Variants in EVC2 observed in about 807,000 individuals in gnomAD.
EVC2 encodes limbin.
EVC2 carries 148 observed loss-of-function variants against 149.3 expected under a neutral mutation model. The ratio of observed to expected loss-of-function variants is 0.99; its 90% confidence interval spans 0.87 to 1.14. The LOEUF (loss-of-function observed/expected upper bound fraction) is 1.14, where lower values mean the gene tolerates loss of function less well. EVC2 is among the 50% of genes most tolerant of loss of function. The probability of loss-of-function intolerance (pLI) is 0.00; values close to 1 mark genes in which losing one functional copy is unlikely to be tolerated. For missense variants in EVC2, 1,854 were observed against 1,627.3 expected (o/e 1.14, Z -2.40); for synonymous variants, 776 against 649.9 (o/e 1.19, Z -2.95).
At chr4:5,579,070 G>C (rs1337817245) in intron 17 of EVC2, among the ~76,000 whole-genome samples, 1 of 152,146 alleles carries the variant, frequency 6.6e-6, no homozygotes, top group Non-Finnish European at 1.5e-5. Context: ...AGAGGGAGTG[G>C]TGAAAGGTGG....
chr4:5,699,642 C>CAAAAAAAAAAAAA (rs773633372), intron 1 of EVC2, among the ~76,000 whole-genome samples: 5 of 111,740 alleles, frequency 4.5e-5, no homozygotes, highest in African/African-American at 1.8e-4. Context: ...TCCATCTCTA[C>CAAAAAAAAAAAAA]AAAAAAAAAA....
At chr4:5,599,568 A>T (rs1713790122) in intron 16 of EVC2, among the ~76,000 whole-genome samples, 1 of 151,444 alleles carries the variant, frequency 6.6e-6, no homozygotes, top group Non-Finnish European at 1.5e-5. Context: ...CTGGGGACTG[A>T]TGTGGGGTGG....
chr4:5,701,798 C>G (rs1721844730), intron 1 of EVC2, among the ~76,000 whole-genome samples: 1 of 152,256 alleles, frequency 6.6e-6, no homozygotes, highest in Non-Finnish European at 1.5e-5. Flanking sequence ...CTCCTATTGG[C>G]TCAGGCCAAA....
intron 21 of EVC2, among the ~76,000 whole-genome samples, chr4:5,557,088 T>A (rs567171566): frequency 6.6e-6 from 1 of 152,050 alleles, no homozygotes; most frequent in Non-Finnish European, 1.5e-5. Flanking sequence ...CCAGTATAAC[T>A]GTAATATAAA....
chr4:5,534,018 T>C, the EVC2 span, among the ~76,000 whole-genome samples: 4 of 152,156 alleles, frequency 2.6e-5, no homozygotes, highest in African/African-American at 9.7e-5. Context: ...CACGGTCTCA[T>C]AGGCTCTGGT....
intron 5 of EVC2, among the ~76,000 whole-genome samples, chr4:5,687,544 T>C (rs1172644226): frequency 6.6e-6 from 1 of 151,908 alleles, no homozygotes; most frequent in Admixed American, 6.6e-5. Context: ...AAGGGGCAGG[T>C]AGTCTCTGTG....
chr4:5,558,379 T>C (rs1414457933), downstream of EVC2, among the ~76,000 whole-genome samples: 2 of 152,130 alleles, frequency 1.3e-5, no homozygotes, highest in Non-Finnish European at 2.9e-5. Context: ...AGGTAAAAGA[T>C]TGAACGTGTG....
intron 7 of EVC2, among the ~76,000 whole-genome samples, chr4:5,668,583 T>C (rs1306598598): frequency 1.3e-5 from 2 of 152,098 alleles, no homozygotes; most frequent in South Asian, 2.1e-4. Context: ...GTAAATAGCA[T>C]TGCATGGAGG....
intron 1 of EVC2, 146 bp downstream of exon 1, chr4:5,708,140 C>A (rs1467104591): frequency 1.5e-5 from 10 of 684,650 alleles, no homozygotes; most frequent in Admixed American, 4.1e-5. Flanking sequence ...GCGGGATACA[C>A]CTAAGGGCCG....
intron 1 of EVC2, among the ~76,000 whole-genome samples, chr4:5,706,757 C>G (rs73200133): frequency 0.081 from 12,310 of 152,114 alleles, 640 homozygotes; most frequent in East Asian, 0.23. Context: ...CGGAAGAAGG[C>G]TGGTCCCATC....
At chr4:5,602,434 A>C (rs764704301) in intron 16 of EVC2, among the ~76,000 whole-genome samples, 1 of 152,090 alleles carries the variant, frequency 6.6e-6, no homozygotes, top group Non-Finnish European at 1.5e-5. Flanking sequence ...AAAGGATTCC[A>C]GTTTTCTACA....
chr4:5,620,418 A>T (rs1362564456), intron 14 of EVC2, among the ~76,000 whole-genome samples: 2 of 152,238 alleles, frequency 1.3e-5, no homozygotes, highest in African/African-American at 4.8e-5. Flanking sequence ...AAATCAAGAC[A>T]GGAACTTCCG....
At chr4:5,652,222 G>A (rs1219085756) in intron 9 of EVC2, among the ~76,000 whole-genome samples, 6 of 152,220 alleles carry the variant, frequency 3.9e-5, no homozygotes, top group Admixed American at 2.6e-4. Flanking sequence ...GGTGGTAAGA[G>A]GTGGAGAGCT....
At chr4:5,545,245 C>T (rs1156469155) in intron 21 of EVC2, among the ~76,000 whole-genome samples, 1 of 152,080 alleles carries the variant, frequency 6.6e-6, no homozygotes, top group Non-Finnish European at 1.5e-5. Context: ...ACTAGATGCC[C>T]ATAAATAAAT....
intron 16 of EVC2, among the ~76,000 whole-genome samples, chr4:5,590,773 C>T (rs1468098960): frequency 6.6e-6 from 1 of 152,026 alleles, no homozygotes; most frequent in African/African-American, 2.4e-5. Context: ...TGTATTAGTC[C>T]ATATTTATGC....
At chr4:5,546,143 G>C (rs1721612978) in intron 21 of EVC2, among the ~76,000 whole-genome samples, 1 of 152,222 alleles carries the variant, frequency 6.6e-6, no homozygotes, top group African/African-American at 2.4e-5. Context: ...AACCATTGTG[G>C]AAGTGAGTGT....
chr4:5,680,871 T>C (rs1008064411), intron 7 of EVC2, among the ~76,000 whole-genome samples: 1 of 151,190 alleles, frequency 6.6e-6, no homozygotes, highest in African/African-American at 2.5e-5. Flanking sequence ...AGTATTATGG[T>C]GAAGAGCAGA....
chr4:5,596,272 C>T (rs962780434), intron 16 of EVC2, among the ~76,000 whole-genome samples: 2 of 152,176 alleles, frequency 1.3e-5, no homozygotes. Context: ...ATACATTTTT[C>T]TCAGCACCAC....
rs886315974 is a variant in EVC2, at chr4:5,677,890, G to A, written c.870+3370C>T. On this transcript the variant is annotated intron_variant, in intron 7 of 21. Transcript: ENST00000344408. This position sits in a 1 kb window ranked among gnomAD's most constrained non-coding sequence, Gnocchi z 4.3. ...TCACTAAACTGAACACTCACCTAAC[G>A]CCAGCCTTGTACTTTCTCTTCGTCT... Among the ~76,000 whole-genome samples, 2 of 152,168 alleles carry A rather than the reference G, an allele frequency of 1.3e-5. No homozygotes were observed. Among genetic ancestry groups the A allele is most frequent in the Non-Finnish European group, 2.9e-5 (2 of 68,038 alleles).
Sources: gnomAD v4.1 joint callset for allele counts (sites outside exome capture counted in the v4.1 genomes callset) on GRCh38, gnomAD v4.1.1 for gene constraint, Gnocchi (gnomAD v3.1) non-coding constraint, MANE v1.5 for transcripts, NCBI Gene and HGNC (gene_info 2026-07-23, HGNC 2026-07-21) for gene names.